SMYD3: variants seen among roughly 807,000 people sequenced by gnomAD.
The protein encoded by SMYD3 is SET and MYND domain containing 3.
A neutral mutation model predicts 57.7 loss-of-function variants in SMYD3; 36 were observed. That is an observed-to-expected ratio of 0.62 (90% CI 0.48 to 0.82). SMYD3 has a LOEUF of 0.82. Among genes scored for constraint, SMYD3 ranks in the 40% least tolerant of loss-of-function variants. The probability of loss-of-function intolerance (pLI) is 0.00; values close to 1 mark genes in which losing one functional copy is unlikely to be tolerated. For missense variants in SMYD3, 515 were observed against 538.8 expected (o/e 0.96, Z 0.44); for synonymous variants, 211 against 195.0 (o/e 1.08, Z -0.68).
intron 1 of SMYD3, among the ~76,000 whole-genome samples, chr1:246,434,883 A>G (rs894808471): frequency 2.0e-5 from 3 of 152,220 alleles, no homozygotes; most frequent in Non-Finnish European, 2.9e-5. Flanking sequence ...ATAGCAAAAA[A>G]CACGGAACTA....
intron 5 of SMYD3, among the ~76,000 whole-genome samples, chr1:246,231,195 T>C (rs933053293): frequency 3.9e-5 from 6 of 152,154 alleles, no homozygotes; most frequent in African/African-American, 2.4e-5. Context: ...TCCATCATTC[T>C]TACTCTTCTC....
Position 246,421,681 on chromosome 1 carries a change from T to C in SMYD3, c.165-66587A>G, listed in dbSNP as rs139987973. Among the ~76,000 whole-genome samples the C allele has an allele frequency of 1.6e-3, 237 of 152,044 alleles. 1 individual carries two copies. Among genetic ancestry groups the C allele is most frequent in the African/African-American group, 5.0e-3 (208 of 41,464 alleles). Reference sequence around the variant, plus strand: ...TACAAAGCAATTAAAAACAGTAAAATAGAAGAGATGATTAAGTCTAAAAGC... The same window carrying C: ...TACAAAGCAATTAAAAACAGTAAAACAGAAGAGATGATTAAGTCTAAAAGC... On this transcript the variant is annotated intron_variant, in intron 1 of 11. Transcript: ENST00000490107.
intron 10 of SMYD3, among the ~76,000 whole-genome samples, chr1:245,777,341 T>C (rs575658289): frequency 6.6e-6 from 1 of 152,302 alleles, no homozygotes; most frequent in Admixed American, 6.5e-5. Context: ...CTAGTCAAAA[T>C]TGCCAAAGGC....
chr1:246,055,940 G>A (rs2060143876), intron 5 of SMYD3, among the ~76,000 whole-genome samples: 2 of 152,082 alleles, frequency 1.3e-5, no homozygotes, highest in Non-Finnish European at 1.5e-5. Flanking sequence ...CAGTGGTAAC[G>A]GGTGCAGAAC....
chr1:246,282,528 A>C (rs1475339479), intron 5 of SMYD3, among the ~76,000 whole-genome samples: 1 of 116,324 alleles, frequency 8.6e-6, no homozygotes, highest in African/African-American at 3.2e-5. Context: ...AATAATTTTA[A>C]AAAATAAAAT....
chr1:246,103,383 T>G (rs1334015605), intron 5 of SMYD3, among the ~76,000 whole-genome samples: 1 of 152,032 alleles, frequency 6.6e-6, no homozygotes. Context: ...AAAAATTATC[T>G]GTATCTTCAT....
chr1:245,863,800 C>G lies in SMYD3; in HGVS notation c.900G>C (p.Trp300Cys). 6.2e-7 allele frequency: 1 copy of G among 1,613,534 alleles called. No homozygotes were observed. Among genetic ancestry groups the G allele is most frequent in the Non-Finnish European group, 8.5e-7 (1 of 1,179,462 alleles). Reference protein sequence around the residue: ...LKKIEELKAHWKWEQVLAMCQ... With the variant: ...LKKIEELKAHCKWEQVLAMCQ... ...CTCAATCCACAGGCGAAAGGATACTCCAGTGTGCCTTCAGTTCTTCAATTT... is the reference window on the plus strand; with the variant it reads ...CTCAATCCACAGGCGAAAGGATACTGCAGTGTGCCTTCAGTTCTTCAATTT... Residue 300 changes from tryptophan (W) to cysteine (C), a missense_variant and splice_region_variant, in exon 9 of 12, where the codon TGG becomes TGC. Physicochemically the swap from Trp to Cys is radical, Grantham distance 215. Transcript: ENST00000490107.
intron 11 of SMYD3, among the ~76,000 whole-genome samples, chr1:245,762,807 C>T (rs1464878549): frequency 6.6e-6 from 1 of 152,182 alleles, no homozygotes; most frequent in African/African-American, 2.4e-5. Context: ...TGGGATCAGC[C>T]GGCCCCTGGA....
At chr1:245,919,163 C>T (rs2055675327) in intron 7 of SMYD3, among the ~76,000 whole-genome samples, 3 of 152,178 alleles carry the variant, frequency 2.0e-5, no homozygotes, top group African/African-American at 7.2e-5. Flanking sequence ...TTCTAAACTG[C>T]TTTGAGAGAG....
At chr1:245,933,928 ACCCAGCCACTT>A (rs1353752012) in intron 5 of SMYD3, among the ~76,000 whole-genome samples, 2 of 152,130 alleles carry the variant, frequency 1.3e-5, no homozygotes, top group African/African-American at 4.8e-5. Context: ...TAAGACAAGA[ACCCAGCCACTT>A]CCCAGCCCCC....
intron 11 of SMYD3, among the ~76,000 whole-genome samples, chr1:245,757,801 T>G (rs565999277): frequency 6.6e-6 from 1 of 152,276 alleles, no homozygotes; most frequent in East Asian, 1.9e-4. Flanking sequence ...TCTATTCCAG[T>G]ATCACCCTGT....
At chr1:246,210,538 C>T (rs4654218) in intron 5 of SMYD3, among the ~76,000 whole-genome samples, 23,190 of 151,710 alleles carry the variant, frequency 0.15, 2,363 homozygotes, top group East Asian at 0.34. Flanking sequence ...GGCGAAACCC[C>T]GTCTCTACTA....
chr1:245,780,616 G>T (rs920185221), intron 10 of SMYD3, among the ~76,000 whole-genome samples: 1 of 152,092 alleles, frequency 6.6e-6, no homozygotes, highest in African/African-American at 2.4e-5. Context: ...TATGGTGATG[G>T]TTGTACAACC....
chr1:246,143,905 A>C (rs2061802812), intron 5 of SMYD3, among the ~76,000 whole-genome samples: 1 of 152,216 alleles, frequency 6.6e-6, no homozygotes, highest in Non-Finnish European at 1.5e-5. Context: ...TTAATGCAGA[A>C]AAAGTAACTT....
chr1:246,404,392 T>C (rs970592763), intron 1 of SMYD3, among the ~76,000 whole-genome samples: 2 of 152,292 alleles, frequency 1.3e-5, no homozygotes, highest in African/African-American at 2.4e-5. Context: ...CTGAGACTGA[T>C]AACCTGTGAG....
intron 1 of SMYD3, among the ~76,000 whole-genome samples, chr1:246,402,863 A>G (rs1383643122): frequency 6.6e-6 from 1 of 152,202 alleles, no homozygotes; most frequent in African/African-American, 2.4e-5. Flanking sequence ...GGGCTACATG[A>G]TCTCTGGCCT....
At chr1:246,460,292 G>A (rs1195821503) in intron 1 of SMYD3, among the ~76,000 whole-genome samples, 1 of 152,030 alleles carries the variant, frequency 6.6e-6, no homozygotes, top group Non-Finnish European at 1.5e-5. Flanking sequence ...AATATCTACT[G>A]AGCACCTGCT....
At chr1:246,129,404 TA>T (rs60507407) in intron 5 of SMYD3, among the ~76,000 whole-genome samples, 12,652 of 142,070 alleles carry the variant, frequency 0.089, 962 homozygotes, top group African/African-American at 0.2. Context: ...TCAAATACAG[TA>T]AAAAAAAAAA....
chr1:245,917,106 T>G (rs1572681131), intron 7 of SMYD3, among the ~76,000 whole-genome samples: 1 of 150,812 alleles, frequency 6.6e-6, no homozygotes, highest in African/African-American at 2.4e-5. Context: ...CACAACTCAC[T>G]GCAGCCTCAA....
Sources: allele counts gnomAD v4.1 joint callset (sites outside exome capture counted in the v4.1 genomes callset), GRCh38; gene constraint gnomAD v4.1.1; transcripts MANE v1.5; gene names NCBI Gene and HGNC (gene_info 2026-07-23, HGNC 2026-07-21).